Variants in ILDR1 observed in about 807,000 individuals in gnomAD.
ILDR1 encodes immunoglobulin like domain containing receptor 1.
In ILDR1, 56 loss-of-function variants were observed where a neutral mutation model predicts 62.4. The observed-to-expected ratio is 0.90, with a 90% CI of 0.72 to 1.12. The LOEUF is 1.12. Among genes scored for constraint, ILDR1 ranks in the 50% most tolerant of loss-of-function variants. The pLI is 0.00. For synonymous variants in ILDR1, 284 were observed against 277.8 expected, an observed-to-expected ratio of 1.02 and a Z score of -0.22; for missense variants, 736 against 710.6, an observed-to-expected ratio of 1.04 and a Z score of -0.41.
rs1308159124 is a variant in ILDR1, at chr3:122,005,114, A to G, written c.379+130T>C. On this transcript the variant is annotated intron_variant, in intron 3 of 7. Transcript: ENST00000344209. ...TATGAAGCTGGCACTTTCCTCAAAC[A>G]ATGACAGTGACCAAGTAGACCAACA... 31 of 704,508 alleles carry G rather than the reference A, an allele frequency of 4.4e-5. 1 individual carries two copies. The highest frequency in any genetic ancestry group is 5.3e-5 in the African/African-American group (3 of 56,700). The allele number at this position is 704,508 out of a possible 1,614,324, so 43.6% of individuals were successfully genotyped here.
chr3:122,019,793 A>G (rs2071831083), intron 1 of ILDR1, among the ~76,000 whole-genome samples: 2 of 152,340 alleles, frequency 1.3e-5, no homozygotes, highest in South Asian at 4.1e-4. Context: ...GGCTAATCAG[A>G]GAATTGGGTT....
At chr3:122,049,518 C>T in the ILDR1 span, among the ~76,000 whole-genome samples, 1 of 152,200 alleles carries the variant, frequency 6.6e-6, no homozygotes, top group African/African-American at 2.4e-5. Context: ...TTTCTCCCTT[C>T]AGTTCTGCCA....
the ILDR1 span, among the ~76,000 whole-genome samples, chr3:122,034,449 C>A: frequency 6.6e-6 from 1 of 152,114 alleles, no homozygotes; most frequent in Non-Finnish European, 1.5e-5. Flanking sequence ...TCAACAAAAT[C>A]TGGAAAAAGC....
At chr3:122,048,093 T>C in the ILDR1 span, among the ~76,000 whole-genome samples, 66 of 152,380 alleles carry the variant, frequency 4.3e-4, no homozygotes, top group Middle Eastern at 3.4e-3. Flanking sequence ...GATTTTCACA[T>C]ATCCCCTTTA....
At chr3:121,996,954 G>A (rs896821301) in intron 5 of ILDR1, among the ~76,000 whole-genome samples, 4 of 152,202 alleles carry the variant, frequency 2.6e-5, no homozygotes, top group African/African-American at 4.8e-5. Flanking sequence ...AGGCTGGAGT[G>A]CAATGGCACG....
At chr3:122,023,010 C>T (rs1009163922), upstream of ILDR1, among the ~76,000 whole-genome samples, 4 of 150,584 alleles carry the variant, frequency 2.7e-5, no homozygotes, top group African/African-American at 9.7e-5. Flanking sequence ...CAAGTTTCTA[C>T]AACTATAAAA....
chr3:122,022,914 A>AAAATAAATAAATAAAT (rs59901956), upstream of ILDR1, among the ~76,000 whole-genome samples: 34 of 143,390 alleles, frequency 2.4e-4, no homozygotes, highest in African/African-American at 7.8e-4. Context: ...CTCGGTCTCG[A>AAAATAAATAAATAAAT]AAATAAATAA....
intron 1 of ILDR1, among the ~76,000 whole-genome samples, chr3:122,013,350 T>C (rs2107673640): frequency 6.6e-6 from 1 of 152,254 alleles, no homozygotes; most frequent in South Asian, 2.1e-4. Context: ...TCCTTTCCTA[T>C]GAACAGGCCT....
At chr3:122,047,647 G>T in the ILDR1 span, among the ~76,000 whole-genome samples, 2 of 152,178 alleles carry the variant, frequency 1.3e-5, no homozygotes, top group Non-Finnish European at 2.9e-5. Flanking sequence ...TCTGAAAAGC[G>T]CAATATTCGG....
chr3:122,050,901 CAG>C, the ILDR1 span, among the ~76,000 whole-genome samples: 1 of 152,074 alleles, frequency 6.6e-6, no homozygotes, highest in Non-Finnish European at 1.5e-5. Flanking sequence ...CTAGTTTTGC[CAG>C]AGAGAGTATT....
intron 3 of ILDR1, 87 bp from the exon 4 acceptor site, chr3:122,001,951 T>A: frequency 6.8e-7 from 1 of 1,462,584 alleles, no homozygotes; most frequent in Non-Finnish European, 9.5e-7. Flanking sequence ...CTGGGCAGCA[T>A]GGCAAGACCT....
chr3:122,037,735 G>A, the ILDR1 span, among the ~76,000 whole-genome samples: 1 of 152,178 alleles, frequency 6.6e-6, no homozygotes, highest in Non-Finnish European at 1.5e-5. Flanking sequence ...AAGAACATGA[G>A]ATTTTGGAGG....
At chr3:122,059,314 G>C in the ILDR1 span, among the ~76,000 whole-genome samples, 1 of 152,116 alleles carries the variant, frequency 6.6e-6, no homozygotes, top group Non-Finnish European at 1.5e-5. Flanking sequence ...ATCTAAGGAG[G>C]GAGATGAGGA....
rs1183120795 is a variant in ILDR1, at chr3:121,988,296, G to A, written c.*71C>T. On this transcript the variant is annotated 3_prime_UTR_variant, in exon 8 of 8. Transcript: ENST00000344209. ...CAGACTTGCAGTTCCCAAGTCAGCT[G>A]GAAACCTAGGTGATGCTGATGACAC... The A allele has an allele frequency of 7.6e-7, 1 of 1,311,794 alleles. No homozygotes were observed. The highest frequency in any genetic ancestry group is 1.1e-6 in the Non-Finnish European group (1 of 904,418). 81.3% of individuals were successfully genotyped at this position (1,311,794 alleles called of 1,614,324 possible). A position where few individuals can be genotyped will look rare whatever the true frequency, so the allele number is the denominator to read the frequency against.
intron 1 of ILDR1, among the ~76,000 whole-genome samples, chr3:122,014,327 C>A (rs2071747638): frequency 6.6e-6 from 1 of 152,202 alleles, no homozygotes; most frequent in Admixed American, 6.5e-5. Flanking sequence ...CATCCCTTCA[C>A]ATCTTTTCCT....
At chr3:122,059,315 G>A in the ILDR1 span, among the ~76,000 whole-genome samples, 1 of 152,120 alleles carries the variant, frequency 6.6e-6, no homozygotes. Flanking sequence ...TCTAAGGAGG[G>A]AGATGAGGAA....
rs2071869037 is a variant in ILDR1 at position 122,022,209 on chromosome 3, G to A, written c.-132C>T. 1 of 782,746 alleles carries A rather than the reference G, an allele frequency of 1.3e-6. No individual in the cohort carries two copies. Among genetic ancestry groups the A allele is most frequent in the Admixed American group, 2.5e-5 (1 of 39,816 alleles). 48.5% of individuals were successfully genotyped at this position (782,746 alleles called of 1,614,324 possible). ...GTTTCCCCTCCCTCGGCGCAGCGGG[G>A]AGGGAGCGTCCGCTCTGGTCCCGGG... On this transcript the variant is annotated 5_prime_UTR_variant, in exon 1 of 8. Coordinates refer to ENST00000344209, the MANE Select transcript of ILDR1 (RefSeq NM_001199799.2).
At chr3:122,040,444 CAT>C in the ILDR1 span, among the ~76,000 whole-genome samples, 8,977 of 151,538 alleles carry the variant, frequency 0.059, 371 homozygotes, top group Non-Finnish European at 0.088. Context: ...TTAATGCAAA[CAT>C]GTTTGGAAAG....
chr3:122,046,101 T>G, the ILDR1 span, among the ~76,000 whole-genome samples: 1 of 151,386 alleles, frequency 6.6e-6, no homozygotes, highest in African/African-American at 2.4e-5. Context: ...GGAGCTCTTT[T>G]AGGGCAGGCC....
Sources: allele counts gnomAD v4.1 joint callset (sites outside exome capture counted in the v4.1 genomes callset), GRCh38; gene constraint gnomAD v4.1.1; transcripts MANE v1.5; gene names NCBI Gene and HGNC (gene_info 2026-07-23, HGNC 2026-07-21).